Variants in SIPA1L1 observed in about 807,000 individuals in gnomAD.
SIPA1L1 encodes the protein signal-induced proliferation-associated 1-like protein 1.
In SIPA1L1, 26 loss-of-function variants were observed where a neutral mutation model predicts 162.7. The ratio of observed to expected loss-of-function variants is 0.16; its 90% CI spans 0.12 to 0.22. The LOEUF (loss-of-function observed/expected upper bound fraction) is 0.22, where lower values mean the gene tolerates loss of function less well. Ranked by LOEUF, SIPA1L1 falls within the 10% of genes least tolerant of loss-of-function variation. The pLI is 1.00. For synonymous variants in SIPA1L1, 829 were observed against 837.4 expected, an observed-to-expected ratio of 0.99 and a Z score of 0.17; for missense variants, 1,874 against 2,241.0, an observed-to-expected ratio of 0.84 and a Z score of 3.31.
chr14:71,443,778 A>G (rs1172798829), intron 2 of SIPA1L1, among the ~76,000 whole-genome samples: 1 of 152,244 alleles, frequency 6.6e-6, no homozygotes, highest in African/African-American at 2.4e-5. Flanking sequence ...AGTTGCAACA[A>G]CACTTTTCTG....
At chr14:71,381,470 G>T (rs539400732) in intron 2 of SIPA1L1, among the ~76,000 whole-genome samples, 2 of 152,278 alleles carry the variant, frequency 1.3e-5, no homozygotes, top group East Asian at 3.9e-4. Flanking sequence ...TGCTAATTTT[G>T]TGATAATGGT....
chr14:71,607,462 G>A (rs2037662462), intron 5 of SIPA1L1, among the ~76,000 whole-genome samples: 1 of 152,038 alleles, frequency 6.6e-6, no homozygotes, highest in Admixed American at 6.6e-5. Context: ...AGAACTGCTT[G>A]AGCCCAGGAG....
chr14:71,526,823 T>C (rs1418575148), intron 3 of SIPA1L1, among the ~76,000 whole-genome samples: 1 of 152,234 alleles, frequency 6.6e-6, no homozygotes, highest in Admixed American at 6.5e-5. Context: ...CTAACACTTA[T>C]TGGAAAATTA....
chr14:71,684,779 A>G (rs2046138518), intron 12 of SIPA1L1, among the ~76,000 whole-genome samples: 1 of 150,274 alleles, frequency 6.7e-6, no homozygotes, highest in African/African-American at 2.5e-5. Flanking sequence ...CTGCTTATAC[A>G]CCCTTTCAGA....
chr14:71,681,654 A>T (rs2045818644), intron 12 of SIPA1L1, among the ~76,000 whole-genome samples: 1 of 152,142 alleles, frequency 6.6e-6, no homozygotes, highest in South Asian at 2.1e-4. Context: ...CAAATAATTT[A>T]TGTGTTTTTT....
intron 18 of SIPA1L1, 138 bp downstream of exon 18, chr14:71,724,024 T>C: frequency 1.1e-6 from 1 of 870,110 alleles, no homozygotes; most frequent in Non-Finnish European, 1.7e-6. Flanking sequence ...GGGATTATGA[T>C]TTTTTTTCCT....
chr14:71,536,332 C>G (rs1292244789), intron 4 of SIPA1L1, among the ~76,000 whole-genome samples: 1 of 152,138 alleles, frequency 6.6e-6, no homozygotes, highest in Non-Finnish European at 1.5e-5. Flanking sequence ...TTTTAAGTGT[C>G]TATGCTTAAC....
chr14:71,699,505 A>C (rs1024689889), intron 14 of SIPA1L1, among the ~76,000 whole-genome samples: 3 of 152,240 alleles, frequency 2.0e-5, no homozygotes, highest in Non-Finnish European at 4.4e-5. Flanking sequence ...AAAACTGTTT[A>C]AAAGACATAG....
chr14:71,723,690 A>G lies in SIPA1L1; in HGVS notation c.4252A>G (p.Ser1418Gly). ...CTCTGCCAGCCCAGTGGTTTTCACC[A>G]GTGCCCGGAGTTCACCTAAAGAAGA... ...RHSASPVVFT[S>G]ARSSPKEELH... The change falls in exon 18 of 24, where the codon AGT (serine) becomes GGT (glycine). Residue 1418 changes from serine to glycine, a missense_variant. Ser to Gly is a moderately conservative substitution (Grantham distance 56, BLOSUM62 0). Around this residue, in one of 5 missense-constraint regions of SIPA1L1, gnomAD observed 936 missense variants for 1,051.9 expected, o/e 0.89. Coordinates refer to ENST00000381232, the MANE Select transcript of SIPA1L1 (RefSeq NM_001386936.1). The G allele has an allele frequency of 4.3e-6, 7 of 1,614,178 alleles. No homozygotes were observed. The highest frequency in any genetic ancestry group is 1.3e-5 in the African/African-American group (1 of 75,034).
chr14:71,538,544 C>T (rs1037362797), intron 4 of SIPA1L1, among the ~76,000 whole-genome samples: 4 of 152,342 alleles, frequency 2.6e-5, no homozygotes, highest in Admixed American at 2.6e-4. Flanking sequence ...TCAGATCTCT[C>T]TGTCCTTATT....
intron 2 of SIPA1L1, among the ~76,000 whole-genome samples, chr14:71,410,946 G>A (rs775090004): frequency 1.3e-5 from 2 of 152,128 alleles, no homozygotes; most frequent in African/African-American, 2.4e-5. Flanking sequence ...AGGCGACTTA[G>A]ATCCATCATA....
At chr14:71,349,548 T>C (rs2036491490) in intron 2 of SIPA1L1, among the ~76,000 whole-genome samples, 1 of 152,226 alleles carries the variant, frequency 6.6e-6, no homozygotes, top group Admixed American at 6.5e-5. Context: ...AATAGATTTT[T>C]TTTTCCTAGA....
At chr14:71,343,453 G>A (rs1378556314) in intron 2 of SIPA1L1, among the ~76,000 whole-genome samples, 1 of 152,156 alleles carries the variant, frequency 6.6e-6, no homozygotes, top group African/African-American at 2.4e-5. Flanking sequence ...ATCAGGAGAT[G>A]AAGGAAATAA....
chr14:71,690,839 G>T (rs897820127), intron 13 of SIPA1L1, among the ~76,000 whole-genome samples: 1 of 152,184 alleles, frequency 6.6e-6, no homozygotes, highest in Non-Finnish European at 1.5e-5. Flanking sequence ...GATCTGTTTT[G>T]CCTTGGTCTC....
intron 2 of SIPA1L1, among the ~76,000 whole-genome samples, chr14:71,457,706 T>C (rs753112175): frequency 1.3e-5 from 2 of 152,164 alleles, no homozygotes; most frequent in East Asian, 3.9e-4. Flanking sequence ...TCAATTCTCC[T>C]GCCTTAGCCT....
At chr14:71,729,091 A>G (rs187300234) in intron 19 of SIPA1L1, among the ~76,000 whole-genome samples, 1 of 152,302 alleles carries the variant, frequency 6.6e-6, no homozygotes, top group Non-Finnish European at 1.5e-5. Flanking sequence ...GCTGGAGTGC[A>G]GTGGTGCAGT....
At chr14:71,523,315 G>GTT (rs1261954738) in intron 3 of SIPA1L1, among the ~76,000 whole-genome samples, 2 of 149,988 alleles carry the variant, frequency 1.3e-5, no homozygotes, top group Non-Finnish European at 3.0e-5. Flanking sequence ...TTAGATGAAA[G>GTT]TTATGACTCA....
At chr14:71,478,164 C>CT (rs1369538037) in intron 2 of SIPA1L1, among the ~76,000 whole-genome samples, 1 of 152,052 alleles carries the variant, frequency 6.6e-6, no homozygotes, top group Admixed American at 6.5e-5. Context: ...ATTTGTATAT[C>CT]TTTTTTGATG....
intron 3 of SIPA1L1, among the ~76,000 whole-genome samples, chr14:71,516,487 AG>A (rs1220735038): frequency 3.3e-5 from 5 of 152,100 alleles, no homozygotes; most frequent in Non-Finnish European, 7.4e-5. Flanking sequence ...TCTGGGCTCA[AG>A]TAATCCTCCC....
Sources: allele counts gnomAD v4.1 joint callset (sites outside exome capture counted in the v4.1 genomes callset), GRCh38; gene constraint gnomAD v4.1.1; regional missense constraint gnomAD v4.1.1; transcripts MANE v1.5; gene names NCBI Gene and HGNC (gene_info 2026-07-23, HGNC 2026-07-21).